The following NEGR1 variants were observed in gnomAD, a reference collection of about 807,000 sequenced individuals.
NEGR1 encodes neuronal growth regulator 1.
NEGR1 carries 10 observed loss-of-function variants against 40.9 expected under a neutral mutation model. The ratio of observed to expected loss-of-function variants is 0.24; its 90% CI spans 0.15 to 0.42. The LOEUF (loss-of-function observed/expected upper bound fraction) is 0.42, where lower values mean the gene tolerates loss of function less well. NEGR1 is among the 10% of genes least tolerant of loss of function. NEGR1 has a pLI of 1.00. For synonymous variants in NEGR1, 185 were observed against 166.8 expected (o/e 1.11, Z -0.84); for missense variants, 352 against 438.9 (o/e 0.80, Z 1.77).
At chr1:72,141,768 T>C (rs533162666) in intron 1 of NEGR1, among the ~76,000 whole-genome samples, 6 of 152,098 alleles carry the variant, frequency 3.9e-5, no homozygotes, top group South Asian at 2.1e-4. Flanking sequence ...ACAAATTACA[T>C]TGGGCTGAAG....
At chr1:71,780,494 C>G (rs1656679360) in intron 2 of NEGR1, among the ~76,000 whole-genome samples, 1 of 152,146 alleles carries the variant, frequency 6.6e-6, no homozygotes, top group African/African-American at 2.4e-5. Context: ...CAACTGTGTT[C>G]ATAATTAATT....
At chr1:71,880,975 C>T (rs1268200741) in intron 2 of NEGR1, among the ~76,000 whole-genome samples, 1 of 151,898 alleles carries the variant, frequency 6.6e-6, no homozygotes, top group African/African-American at 2.4e-5. Flanking sequence ...ATAATAATGG[C>T]AAATACTCAA....
intron 4 of NEGR1, among the ~76,000 whole-genome samples, chr1:71,626,793 T>G (rs1650797854): frequency 6.6e-6 from 1 of 151,960 alleles, no homozygotes; most frequent in East Asian, 1.9e-4. Flanking sequence ...CTCAAACAAA[T>G]TTACAAGAAA....
intron 1 of NEGR1, among the ~76,000 whole-genome samples, chr1:71,983,618 A>G (rs1025938957): frequency 2.0e-5 from 3 of 152,158 alleles, no homozygotes; most frequent in Non-Finnish European, 4.4e-5. Flanking sequence ...GCCCTTTTCA[A>G]CTGCTAAGTC....
intron 1 of NEGR1, among the ~76,000 whole-genome samples, chr1:72,130,278 T>C (rs1033055486): frequency 1.3e-5 from 2 of 152,174 alleles, no homozygotes; most frequent in Non-Finnish European, 2.9e-5. Context: ...CAGGCACAGA[T>C]AAAGTTGTTT....
At chr1:71,790,006 T>A (rs1210268074) in intron 2 of NEGR1, among the ~76,000 whole-genome samples, 5 of 152,012 alleles carry the variant, frequency 3.3e-5, no homozygotes, top group Non-Finnish European at 1.5e-5. Context: ...ATTTTAAGGG[T>A]TGAGAGGAAT....
chr1:71,720,707 G>A (rs996011007), intron 3 of NEGR1, among the ~76,000 whole-genome samples: 4 of 152,088 alleles, frequency 2.6e-5, no homozygotes, highest in Admixed American at 6.6e-5. Flanking sequence ...AACTCATAGC[G>A]AGAGAAGCAG....
chr1:71,689,990 T>C (rs1653198117), intron 4 of NEGR1, among the ~76,000 whole-genome samples: 1 of 152,042 alleles, frequency 6.6e-6, no homozygotes, highest in Non-Finnish European at 1.5e-5. Context: ...CAAGCTTGAA[T>C]GTACCAAGGA....
At chr1:71,584,683 G>A (rs1649245426) in intron 6 of NEGR1, among the ~76,000 whole-genome samples, 2 of 152,094 alleles carry the variant, frequency 1.3e-5, no homozygotes, top group African/African-American at 4.8e-5. Context: ...CGCTTGATAA[G>A]TATGCTCCAA....
At chr1:71,778,900 A>T (rs1296017045) in intron 2 of NEGR1, among the ~76,000 whole-genome samples, 1 of 152,206 alleles carries the variant, frequency 6.6e-6, no homozygotes, top group African/African-American at 2.4e-5. Flanking sequence ...ATATAGAGAA[A>T]CAATTAAGTC....
At chr1:72,147,278 C>A (rs1236455501) in intron 1 of NEGR1, among the ~76,000 whole-genome samples, 1 of 152,086 alleles carries the variant, frequency 6.6e-6, no homozygotes, top group Non-Finnish European at 1.5e-5. Flanking sequence ...GCTGGAGAGA[C>A]CTCAGAATCA....
intron 1 of NEGR1, among the ~76,000 whole-genome samples, chr1:72,094,939 A>G (rs925232200): frequency 6.6e-6 from 1 of 152,170 alleles, no homozygotes; most frequent in Non-Finnish European, 1.5e-5. Context: ...AAGGTAATAT[A>G]ATTTCAACTG....
chr1:71,557,047 A>G (rs896040345), intron 6 of NEGR1, among the ~76,000 whole-genome samples: 2 of 151,682 alleles, frequency 1.3e-5, no homozygotes, highest in South Asian at 4.1e-4. Context: ...GAAACATTCT[A>G]TGGATTTATT....
intron 1 of NEGR1, among the ~76,000 whole-genome samples, chr1:72,020,238 C>T (rs1214236579): frequency 6.6e-6 from 1 of 152,036 alleles, no homozygotes; most frequent in Non-Finnish European, 1.5e-5. Flanking sequence ...TACAAGAATG[C>T]CTGAACCACG....
At chr1:71,829,546 G>A (rs79537696) in intron 2 of NEGR1, among the ~76,000 whole-genome samples, 152 of 151,948 alleles carry the variant, frequency 1.0e-3, no homozygotes, top group Non-Finnish European at 1.5e-3. Context: ...TTTCTTGACC[G>A]CTGTAGTCCA....
chr1:72,140,128 A>G (rs1313215828), intron 1 of NEGR1, among the ~76,000 whole-genome samples: 1 of 152,092 alleles, frequency 6.6e-6, no homozygotes, highest in Admixed American at 6.6e-5. Context: ...CTGGTTGAAG[A>G]GGCTGGAATT....
chr1:72,194,085 G>C (rs1315804551), intron 1 of NEGR1, among the ~76,000 whole-genome samples: 1 of 151,646 alleles, frequency 6.6e-6, no homozygotes, highest in Non-Finnish European at 1.5e-5. Context: ...GCATATAGTT[G>C]GCAAATCTAC....
intron 1 of NEGR1, among the ~76,000 whole-genome samples, chr1:72,084,112 T>C (rs112208197): frequency 0.015 from 2,238 of 152,254 alleles, 53 homozygotes; most frequent in African/African-American, 0.051. Flanking sequence ...TTTTTTTTCT[T>C]TTACAGGAAG....
intron 1 of NEGR1, among the ~76,000 whole-genome samples, chr1:72,020,262 G>C (rs933466256): frequency 1.3e-5 from 2 of 152,122 alleles, no homozygotes; most frequent in Non-Finnish European, 2.9e-5. Flanking sequence ...GGTAAATCCT[G>C]AACACTTGCT....
Sources: allele counts gnomAD v4.1 joint callset (sites outside exome capture counted in the v4.1 genomes callset), GRCh38; gene constraint gnomAD v4.1.1; transcripts MANE v1.5; gene names NCBI Gene and HGNC (gene_info 2026-07-23, HGNC 2026-07-21).